The following TPO variants were observed in gnomAD, a reference collection of about 807,000 sequenced individuals.
TPO encodes the protein thyroid microsomal antigen.
In TPO, 78 loss-of-function variants were observed where a neutral mutation model predicts 96.9. That is an observed-to-expected ratio of 0.81 (90% confidence interval 0.67 to 0.97). TPO has a LOEUF of 0.97. Ranked by LOEUF, TPO falls within the 50% of genes least tolerant of loss-of-function variation. The probability of loss-of-function intolerance (pLI) is 0.00; values close to 1 mark genes in which losing one functional copy is unlikely to be tolerated. For synonymous variants in TPO, 547 were observed against 538.0 expected, an observed-to-expected ratio of 1.02 and a Z score of -0.23; for missense variants, 1,252 against 1,274.8, an observed-to-expected ratio of 0.98 and a Z score of 0.27.
chr2:1,388,328 C>CA (rs1162437964), intron 1 of TPO, among the ~76,000 whole-genome samples: 2 of 152,224 alleles, frequency 1.3e-5, no homozygotes, highest in African/African-American at 4.8e-5. Flanking sequence ...CAGAGGCAGG[C>CA]AGGCCTCCTT....
chr2:1,421,573 T>C (rs1323056511), intron 2 of TPO, among the ~76,000 whole-genome samples: 2 of 152,134 alleles, frequency 1.3e-5, no homozygotes, highest in Non-Finnish European at 2.9e-5. Context: ...ATTTGGCAAA[T>C]AAGCGGTCGT....
intron 7 of TPO, among the ~76,000 whole-genome samples, chr2:1,467,306 T>C (rs1668993179): frequency 6.6e-6 from 1 of 152,108 alleles, no homozygotes; most frequent in Non-Finnish European, 1.5e-5. Context: ...GGTTTCACCA[T>C]GTTGGCCAGA....
chr2:1,420,649 G>T (rs1338850920), intron 2 of TPO, among the ~76,000 whole-genome samples: 1 of 152,156 alleles, frequency 6.6e-6, no homozygotes, highest in Admixed American at 6.5e-5. Flanking sequence ...AATTCAGTGG[G>T]CATCAGGAGC....
intron 1 of TPO, among the ~76,000 whole-genome samples, chr2:1,378,681 T>C (rs570693687): frequency 6.6e-5 from 10 of 152,326 alleles, no homozygotes; most frequent in African/African-American, 2.2e-4. Context: ...TTCCTGTCCA[T>C]GTGGCCCGTG....
intron 16 of TPO, chr2:1,541,105 G>T (rs1680714487): frequency 1.3e-5 from 16 of 1,197,926 alleles, no homozygotes; most frequent in Non-Finnish European, 1.7e-5. Flanking sequence ...GTGGAAAAAT[G>T]TGTATGTTTA....
At chr2:1,503,808 C>G in intron 13 of TPO, 140 bp from the exon 14 acceptor site, 1 of 1,504,242 alleles carries the variant, frequency 6.6e-7, no homozygotes, top group Non-Finnish European at 9.1e-7. Context: ...AGGGGGCGGC[C>G]GGTTCCCCCT....
chr2:1,379,572 T>C (rs1661776387), intron 1 of TPO, among the ~76,000 whole-genome samples: 1 of 152,146 alleles, frequency 6.6e-6, no homozygotes, highest in South Asian at 2.1e-4. Context: ...TGATGTCTCC[T>C]TACGCAGATG....
chr2:1,468,191 G>A (rs986746184), intron 7 of TPO, among the ~76,000 whole-genome samples: 1 of 151,996 alleles, frequency 6.6e-6, no homozygotes, highest in Non-Finnish European at 1.5e-5. Context: ...TTCAATGTTA[G>A]TACTGAGATG....
chr2:1,478,467 C>A, intron 8 of TPO: 2 of 927,122 alleles, frequency 2.2e-6, no homozygotes, highest in Non-Finnish European at 2.6e-6. Flanking sequence ...GGCACAGGGG[C>A]TGTGTGTGGC....
intron 7 of TPO, among the ~76,000 whole-genome samples, chr2:1,459,124 AAACC>A (rs1668158219): frequency 6.6e-6 from 1 of 151,992 alleles, no homozygotes; most frequent in East Asian, 1.9e-4. Context: ...TTCTCTCTGG[AAACC>A]AGCCTTGAAG....
At chr2:1,451,986 G>A (rs147616874) in intron 5 of TPO, among the ~76,000 whole-genome samples, 141 of 152,058 alleles carry the variant, frequency 9.3e-4, no homozygotes, top group African/African-American at 3.2e-3. Context: ...AGATATGTAT[G>A]CTCATGTTAT....
In TPO at chr2:1,503,999, G is replaced by C. The variant is rs753249875; in HGVS notation, c.2438G>C (p.Arg813Thr). 1 of 1,614,204 alleles carries C rather than the reference G, an allele frequency of 6.2e-7. No homozygotes were observed. The stretch of plus-strand genomic sequence containing the variant: ...CACCCCCCCTGCCACGCCTCTGCGA[G>C]GTGCAGAAACACCAAAGGCGGCTTC... ...GAHPPCHASA[R>T]CRNTKGGFQC... Residue 813 changes from arginine (R) to threonine (T), a missense_variant, in exon 14 of 17, where the codon AGG becomes ACG. Coordinates refer to ENST00000329066, the MANE Select transcript of TPO (RefSeq NM_001206744.2).
intron 10 of TPO, among the ~76,000 whole-genome samples, chr2:1,490,598 T>C (rs1383071400): frequency 6.6e-6 from 1 of 152,204 alleles, no homozygotes; most frequent in Non-Finnish European, 1.5e-5. Context: ...AAGGCCGGAC[T>C]GCGATCACTT....
At chr2:1,377,665 A>G (rs1661741817) in intron 1 of TPO, among the ~76,000 whole-genome samples, 1 of 152,108 alleles carries the variant, frequency 6.6e-6, no homozygotes, top group Admixed American at 6.6e-5. Context: ...TCTTGTCCTC[A>G]CAGGTTCTCC....
intron 10 of TPO, among the ~76,000 whole-genome samples, chr2:1,490,624 G>A (rs796897960): frequency 8.5e-5 from 13 of 152,346 alleles, no homozygotes; most frequent in African/African-American, 3.1e-4. Context: ...AAGATGGATC[G>A]AGAGACTGAA....
rs115284685 is a variant in TPO at position 1,405,465 on chromosome 2, A to C, written n.180+31063A>C. ...CATCTACTCATCTATCCATCCACTG[A>C]TCAGTTTCTCCATCCATCCATCCAT... On this transcript the variant is annotated intron_variant and non_coding_transcript_variant, in intron 1 of 5. Coordinates refer to the TPO transcript ENST00000497517. Among the ~76,000 whole-genome samples, 829 of 151,234 alleles carry C rather than the reference A, an allele frequency of 5.5e-3. 11 individuals carry two copies. The highest frequency in any genetic ancestry group is 0.019 in the African/African-American group (794 of 41,152).
At chr2:1,438,912 G>A (rs917262736) in intron 5 of TPO, 1 of 709,014 alleles carries the variant, frequency 1.4e-6, no homozygotes. Flanking sequence ...CGAAACTGAA[G>A]CCAGTCAAAG....
At chr2:1,532,910 G>T (rs1165594190) in intron 15 of TPO, among the ~76,000 whole-genome samples, 1 of 95,198 alleles carries the variant, frequency 1.1e-5, no homozygotes, top group South Asian at 3.4e-4. Context: ...ATCTCCCTAT[G>T]TGCAACCTCG....
At chr2:1,446,676 T>C (rs550353712) in intron 5 of TPO, among the ~76,000 whole-genome samples, 95 of 152,250 alleles carry the variant, frequency 6.2e-4, no homozygotes, top group Non-Finnish European at 1.2e-3. Flanking sequence ...TCATATTTTC[T>C]AAATATGTCT....
Sources: gnomAD v4.1 joint callset for allele counts (sites outside exome capture counted in the v4.1 genomes callset) on GRCh38, gnomAD v4.1.1 for gene constraint, MANE v1.5 for transcripts, NCBI Gene and HGNC (gene_info 2026-07-23, HGNC 2026-07-21) for gene names.